The following SGSH variants were observed in gnomAD, a reference collection of about 807,000 sequenced individuals.
SGSH encodes the protein heparan sulfate sulfatase.
A neutral mutation model predicts 51.0 loss-of-function variants in SGSH; 48 were observed. The ratio of observed to expected loss-of-function variants is 0.94; its 90% CI spans 0.75 to 1.20. The LOEUF (loss-of-function observed/expected upper bound fraction) is 1.20, where lower values mean the gene tolerates loss of function less well. Ranked by LOEUF, SGSH falls within the 50% of genes most tolerant of loss-of-function variation. The pLI is 0.00. For synonymous variants in SGSH, 321 were observed against 313.4 expected (o/e 1.02, Z -0.26); for missense variants, 662 against 717.8 (o/e 0.92, Z 0.89).
At chr17:80,203,912 C>G (rs746722599), downstream of SGSH, 1 of 1,564,390 alleles carries the variant, frequency 6.4e-7, no homozygotes, top group Non-Finnish European at 8.7e-7. The surrounding 1 kb of genome is among the most constrained non-coding windows in gnomAD (Gnocchi z 4.6). Context: ...GGGCCTGGAC[C>G]CCACTGGGGT....
At position 80,212,380 on chromosome 17, in the gene SGSH, C is replaced by T. The variant is rs879761730; in HGVS notation, c.746-106G>A. The T allele has an allele frequency of 2.6e-5, 27 of 1,020,798 alleles. No homozygotes were observed. The Admixed American group carries it at 4.2e-4, about 16-fold the overall frequency. 63.2% of individuals were successfully genotyped at this position (1,020,798 alleles called of 1,614,324 possible). On this transcript the variant is annotated intron_variant, in intron 6 of 7. Transcript: ENST00000326317. This position sits in a 1 kb window ranked among gnomAD's most constrained non-coding sequence, Gnocchi z 5.9. ...GCTGCATCCGGCCGCTGGGCTCCAG[C>T]GCTTTCCGGATTCGAAAGCACCCTG...
chr17:80,206,122 C>A (rs2041288969), downstream of SGSH, among the ~76,000 whole-genome samples: 1 of 152,146 alleles, frequency 6.6e-6, no homozygotes, highest in Non-Finnish European at 1.5e-5. Flanking sequence ...AGTGAAAAAT[C>A]AAAGGGATGG....
At chr17:80,207,176 C>T (rs918108416), downstream of SGSH, 14 of 860,280 alleles carry the variant, frequency 1.6e-5, no homozygotes, top group Admixed American at 1.7e-4. Flanking sequence ...GTGTGCTCTG[C>T]GGTTTGCAGG....
chr17:80,214,309 C>T lies in SGSH; in HGVS notation c.526G>A (p.Ala176Thr), dbSNP rs141533664. 1.1e-4 allele frequency: 177 copies of T among 1,612,876 alleles called. 1 individual carries two copies. The highest frequency in any genetic ancestry group is 2.7e-4 in the Admixed American group (16 of 59,996). Reference protein sequence around the residue: ...QDDRPFFLYVAFHDPHRCGHS... With the variant: ...QDDRPFFLYVTFHDPHRCGHS... ...CCACAGCGGTGGGGGTCGTGGAAGG[C>T]GACGTAGAGGAAGAAAGGCCTGCAC... The change falls in exon 5 of 8, where the codon GCC becomes ACC. Residue 176 changes from alanine (A) to threonine (T), a missense_variant. Transcript: ENST00000326317.
At chr17:80,205,315 G>T (rs1223905851), downstream of SGSH, 2 of 978,600 alleles carry the variant, frequency 2.0e-6, no homozygotes, top group African/African-American at 4.3e-5. Context: ...CCCCCACCAC[G>T]CACATTCCCA....
intron 4 of SGSH, 82 bp from the exon 5 acceptor site, chr17:80,214,410 C>G: frequency 6.7e-7 from 1 of 1,495,344 alleles, no homozygotes. Flanking sequence ...GCCTCCTCCT[C>G]TGTATCTGGA....
chr17:80,218,650 C>T (rs900084225), intron 1 of SGSH, among the ~76,000 whole-genome samples: 13 of 152,196 alleles, frequency 8.5e-5, no homozygotes, highest in Non-Finnish European at 7.3e-5. Flanking sequence ...GGCTGTGCTC[C>T]GTACCCGCAG....
At chr17:80,202,517 G>A (rs925652592), downstream of SGSH, 7 of 1,520,350 alleles carry the variant, frequency 4.6e-6, no homozygotes, top group African/African-American at 9.6e-5. Context: ...CAGCAATAGA[G>A]GGTGGGCGTG....
At chr17:80,204,197 C>T (rs1320366080), downstream of SGSH, 1 of 1,559,468 alleles carries the variant, frequency 6.4e-7, no homozygotes, top group Non-Finnish European at 8.7e-7. Flanking sequence ...TCAACAGCTC[C>T]TCCTCATCCT....
downstream of SGSH, among the ~76,000 whole-genome samples, chr17:80,207,962 C>T (rs1447806640): frequency 6.6e-6 from 1 of 152,172 alleles, no homozygotes; most frequent in African/African-American, 2.4e-5. Flanking sequence ...AGGCTGTGTT[C>T]TAGACAACCT....
In SGSH at chr17:80,213,752, T is replaced by C. The variant is rs2041766102; in HGVS notation, c.745+52A>G. ...GACCTAAGAGGGCGCTGGCCCAGGA[T>C]GGGGGACCCCGGCCGTGGCACCCCC... is the stretch of plus-strand genomic sequence containing the variant. On this transcript the variant is annotated intron_variant, in intron 6 of 7. Coordinates refer to ENST00000326317, the MANE Select transcript of SGSH (RefSeq NM_000199.5). The surrounding 1 kb of genome is among the most constrained non-coding windows in gnomAD (Gnocchi z 4.6). 2.0e-6 allele frequency: 3 copies of C among 1,473,632 alleles called. No individual in the cohort carries two copies. Among genetic ancestry groups the C allele is most frequent in the Non-Finnish European group, 2.8e-6 (3 of 1,080,736 alleles). 91.3% of individuals were successfully genotyped at this position (1,473,632 alleles called of 1,614,324 possible). A position where few individuals can be genotyped will look rare whatever the true frequency, so the allele number is the denominator to read the frequency against.
rs1444069132 is a variant in SGSH at position 80,213,201 on chromosome 17, A to T, written c.745+603T>A. ...AGAGCAAGACTCAGTCTCAAAAAAA[A>T]AAAAAAAGAAGAAGTGGAGACACAA... On this transcript the variant is annotated intron_variant, in intron 6 of 7. Transcript: ENST00000326317. This position sits in a 1 kb window ranked among gnomAD's most constrained non-coding sequence, Gnocchi z 4.6. 1 of 152,282 alleles carries T rather than the reference A, an allele frequency of 6.6e-6. No homozygotes were observed. 9.4% of individuals were successfully genotyped at this position (152,282 alleles called of 1,614,324 possible). A position where few individuals can be genotyped will look rare whatever the true frequency, so the allele number is the denominator to read the frequency against.
chr17:80,206,985 C>G (rs142664965), downstream of SGSH: 3 of 1,612,256 alleles, frequency 1.9e-6, no homozygotes, highest in Non-Finnish European at 2.5e-6. Context: ...CCATGCCCTC[C>G]TGGACGTCCA....
intron 1 of SGSH, among the ~76,000 whole-genome samples, chr17:80,218,798 G>T (rs750436973): frequency 1.3e-5 from 2 of 152,168 alleles, no homozygotes; most frequent in South Asian, 4.1e-4. Context: ...TGGAGACAGG[G>T]TCCTTAATTA....
rs941657211 is a variant in SGSH at position 80,209,419 on chromosome 17, C to T, written c.*1033G>A. On this transcript the variant is annotated 3_prime_UTR_variant, in exon 8 of 8. Coordinates refer to ENST00000326317, the MANE Select transcript of SGSH (RefSeq NM_000199.5). ...GAGCCCACCTACTCAAGGAAGCGCC[C>T]TCTCCTTCGAGGGGTGTCCAGGCCG... 24 of 985,444 alleles carry T rather than the reference C, an allele frequency of 2.4e-5. No homozygotes were observed. Among genetic ancestry groups the T allele is most frequent in the Non-Finnish European group, 2.8e-5 (23 of 830,046 alleles). The allele number at this position is 985,444 out of a possible 1,614,324, so 61.0% of individuals were successfully genotyped here. A position where few individuals can be genotyped will look rare whatever the true frequency, so the allele number is the denominator to read the frequency against.
chr17:80,203,655 C>T (rs1331871902), downstream of SGSH: 34 of 552,926 alleles, frequency 6.1e-5, no homozygotes, highest in East Asian at 6.5e-4. The surrounding 1 kb of genome is among the most constrained non-coding windows in gnomAD (Gnocchi z 4.6). Context: ...CTGGCATGGC[C>T]GCCAGGATGG....
At position 80,213,740 on chromosome 17, in the gene SGSH, GCT is replaced by G; in HGVS notation, c.745+62_745+63del. Reference sequence around the variant, plus strand: ...ACATTATGCCGTGACCTAAGAGGGCGCTGGCCCAGGATGGGGGACCCCGGCCG... The same window carrying G: ...ACATTATGCCGTGACCTAAGAGGGCGGGCCCAGGATGGGGGACCCCGGCCG... On this transcript the variant is annotated intron_variant, in intron 6 of 7. Transcript: ENST00000326317. The surrounding 1 kb of genome is among the most constrained non-coding windows in gnomAD (Gnocchi z 4.6). The G allele has an allele frequency of 5.8e-6, 8 of 1,375,286 alleles. No individual in the cohort carries two copies. The highest frequency in any genetic ancestry group is 8.0e-6 in the Non-Finnish European group (8 of 994,782). 85.2% of individuals were successfully genotyped at this position (1,375,286 alleles called of 1,614,324 possible).
rs201132655 is a variant in SGSH at position 80,217,164 on chromosome 17, C to T, written c.117G>A (p.Ala39=). The change falls in exon 2 of 8, where the codon GCG becomes GCA. Residue 39 remains alanine, a synonymous_variant. Coordinates refer to ENST00000326317, the MANE Select transcript of SGSH (RefSeq NM_000199.5). The part of the protein sequence containing the change: ...LADDGGFESG[A]YNNSAIATPH... Reference sequence around the variant, plus strand: ...GGGTGGCGATGGCGCTGTTGTTGTACGCGCCACTCTCAAAGCCTCCGTCAT... The same window carrying T: ...GGGTGGCGATGGCGCTGTTGTTGTATGCGCCACTCTCAAAGCCTCCGTCAT... 5.6e-5 allele frequency: 90 copies of T among 1,601,588 alleles called. No homozygotes were observed. In the Middle Eastern group the frequency reaches 9.9e-4, roughly 18 times the overall value.
downstream of SGSH, chr17:80,204,681 T>C (rs2041183452): frequency 2.6e-6 from 1 of 379,698 alleles, no homozygotes; most frequent in Non-Finnish European, 4.7e-6. Flanking sequence ...GCTAGGACCC[T>C]GTGCCCTGGA....
Sources: gnomAD v4.1 joint callset for allele counts (sites outside exome capture counted in the v4.1 genomes callset) on GRCh38, gnomAD v4.1.1 for gene constraint, Gnocchi (gnomAD v3.1) non-coding constraint, MANE v1.5 for transcripts, NCBI Gene and HGNC (gene_info 2026-07-23, HGNC 2026-07-21) for gene names.